IL4I1: variants seen among roughly 807,000 people sequenced by gnomAD.
IL4I1 encodes the protein L-amino-acid oxidase.
A neutral mutation model predicts 29.7 loss-of-function variants in IL4I1; 24 were observed. The observed-to-expected ratio is 0.81, with a 90% confidence interval of 0.59 to 1.14. The LOEUF (loss-of-function observed/expected upper bound fraction) is 1.14. IL4I1 is among the 50% of genes most tolerant of loss of function. The pLI, the probability that IL4I1 is intolerant of heterozygous loss-of-function variation, is 0.00. For synonymous variants in IL4I1, 371 were observed against 352.5 expected (o/e 1.05, Z -0.59); for missense variants, 686 against 785.6 (o/e 0.87, Z 1.52).
chr19:49,904,732 G>A (rs2075300146), intron 2 of IL4I1, among the ~76,000 whole-genome samples: 1 of 149,360 alleles, frequency 6.7e-6, no homozygotes, highest in African/African-American at 2.5e-5. Context: ...ACTTATTTGA[G>A]ACGGAGTCAC....
chr19:49,919,116 G>A (rs1568716141), intron 2 of IL4I1, among the ~76,000 whole-genome samples: 1 of 152,156 alleles, frequency 6.6e-6, no homozygotes, highest in Non-Finnish European at 1.5e-5. Flanking sequence ...TCACACCACT[G>A]CACTCCAGCC....
At chr19:49,896,651 C>T (rs995303351) in intron 1 of IL4I1, among the ~76,000 whole-genome samples, 184 bp downstream of exon 1, 6 of 152,246 alleles carry the variant, frequency 3.9e-5, no homozygotes, top group African/African-American at 1.2e-4. Context: ...CCAGGCTGGT[C>T]TCGAACTCCT....
At chr19:49,924,252 G>C (rs1271375103) in intron 2 of IL4I1, among the ~76,000 whole-genome samples, 2 of 152,114 alleles carry the variant, frequency 1.3e-5, no homozygotes, top group Non-Finnish European at 2.9e-5. Flanking sequence ...CCTCAGTCTT[G>C]ACTCCTGCTA....
intron 2 of IL4I1, among the ~76,000 whole-genome samples, chr19:49,910,695 A>G (rs1194176923): frequency 3.0e-5 from 4 of 132,154 alleles, no homozygotes; most frequent in Non-Finnish European, 6.4e-5. Context: ...ACGGGAGACC[A>G]TGAGCCCCAC....
upstream of IL4I1, among the ~76,000 whole-genome samples, chr19:49,900,961 G>A (rs771399577): frequency 6.6e-6 from 1 of 152,234 alleles, no homozygotes; most frequent in Non-Finnish European, 1.5e-5. Flanking sequence ...TGGGGGCCTC[G>A]TGGCCCATCA....
At chr19:49,910,713 G>T (rs1484772928) in intron 2 of IL4I1, among the ~76,000 whole-genome samples, 1 of 148,548 alleles carries the variant, frequency 6.7e-6, no homozygotes, top group Non-Finnish European at 1.5e-5. Context: ...CACCAGAGAT[G>T]GGTGGGGGTG....
At chr19:49,895,266 G>A in intron 3 of IL4I1, 86 bp from the exon 4 acceptor site, 1 of 1,068,684 alleles carries the variant, frequency 9.4e-7, no homozygotes, top group Non-Finnish European at 1.4e-6. Context: ...CCAGCCCCCT[G>A]CCTTCTTCCA....
chr19:49,908,330 G>A (rs1437446692), intron 2 of IL4I1: 1 of 1,614,080 alleles, frequency 6.2e-7, no homozygotes, highest in Admixed American at 1.7e-5. Flanking sequence ...CTGCAGCAGG[G>A]CCGAGTTCTG....
chr19:49,925,617 G>C (rs2075868477), intron 2 of IL4I1, among the ~76,000 whole-genome samples: 1 of 152,192 alleles, frequency 6.6e-6, no homozygotes, highest in Admixed American at 6.5e-5. Flanking sequence ...TCACAGGCCA[G>C]AGGAGGCTGC....
intron 2 of IL4I1, among the ~76,000 whole-genome samples, chr19:49,924,997 C>T (rs773603863): frequency 3.3e-5 from 5 of 152,208 alleles, no homozygotes; most frequent in Non-Finnish European, 7.3e-5. Flanking sequence ...CGCGGTGGTT[C>T]ACGCCTGTAA....
At chr19:49,916,604 A>G (rs1392120718) in intron 2 of IL4I1, among the ~76,000 whole-genome samples, 1 of 151,894 alleles carries the variant, frequency 6.6e-6, no homozygotes, top group African/African-American at 2.4e-5. Context: ...CACTAAAAAT[A>G]CAAAAAAAAA....
chr19:49,896,116 C>A, intron 2 of IL4I1, 32 bp downstream of exon 2: 1 of 1,542,490 alleles, frequency 6.5e-7, no homozygotes, highest in Non-Finnish European at 8.7e-7. Context: ...GTTCTACTCA[C>A]TTGTTCCAGA....
chr19:49,901,653 T>TG (rs985882041), upstream of IL4I1: 59 of 1,529,792 alleles, frequency 3.9e-5, no homozygotes, highest in Middle Eastern at 1.7e-4. Context: ...TGGCTGCCTC[T>TG]GGGGGGCTCT....
chr19:49,901,060 T>C (rs1464118525), upstream of IL4I1, among the ~76,000 whole-genome samples: 1 of 152,102 alleles, frequency 6.6e-6, no homozygotes, highest in Non-Finnish European at 1.5e-5. Flanking sequence ...TCTGAGTCTG[T>C]CCAAAGACCC....
Position 49,908,966 on chromosome 19 carries a change from G to C in IL4I1, c.-227-4645C>G, listed in dbSNP as rs144277054. 4.0e-5 allele frequency: 65 copies of C among 1,609,158 alleles called. No homozygotes were observed. The African/African-American group carries it at 7.1e-4, about 18-fold the overall frequency. On this transcript the variant is annotated intron_variant, in intron 2 of 9. Transcript: ENST00000341114. ...GCCGGTGGTGCTGCTGCTGCTGGTG[G>C]TGGTGGCGGTGGCGGTGGCAGCGGT...
intron 1 of IL4I1, chr19:49,928,333 C>T (rs2075959866): frequency 1.3e-5 from 2 of 152,152 alleles, no homozygotes; most frequent in South Asian, 2.1e-4. Flanking sequence ...CTGGCTAACA[C>T]AGTGAAACCC....
intron 4 of IL4I1, 33 bp from the exon 5 acceptor site, chr19:49,894,502 C>T (rs201517733): frequency 1.3e-6 from 2 of 1,599,138 alleles, no homozygotes; most frequent in South Asian, 2.2e-5. Flanking sequence ...GAGGGCCGGG[C>T]TCCAGTGGGG....
chr19:49,890,868 T>C, intron 7 of IL4I1, 103 bp downstream of exon 7: 1 of 1,049,604 alleles, frequency 9.5e-7, no homozygotes, highest in Non-Finnish European at 1.3e-6. Flanking sequence ...GCCACGCCCT[T>C]CACAACAGCC....
intron 2 of IL4I1, among the ~76,000 whole-genome samples, chr19:49,915,308 AG>A (rs1197693674): frequency 6.6e-6 from 1 of 152,198 alleles, no homozygotes; most frequent in Non-Finnish European, 1.5e-5. Flanking sequence ...AGGTGACCAC[AG>A]GGGTTCTTCA....
Sources: gnomAD v4.1 joint callset for allele counts (sites outside exome capture counted in the v4.1 genomes callset) on GRCh38, gnomAD v4.1.1 for gene constraint, MANE v1.5 for transcripts, NCBI Gene and HGNC (gene_info 2026-07-23, HGNC 2026-07-21) for gene names.